The following UGT1A6 variants were observed in gnomAD, a reference collection of about 807,000 sequenced individuals.
UGT1A6 encodes the protein UDP-glucuronosyltransferase 1A6.
UGT1A6 carries 32 observed loss-of-function variants against 44.4 expected under a neutral mutation model. That is an observed-to-expected ratio of 0.72 (90% CI 0.54 to 0.97). The LOEUF is 0.97. UGT1A6 is among the 50% of genes least tolerant of loss of function. UGT1A6 has a pLI of 0.00. For missense variants in UGT1A6, 685 were observed against 661.9 expected (o/e 1.03, Z -0.38); for synonymous variants, 238 against 248.5 (o/e 0.96, Z 0.40).
chr2:233,770,944 A>T (rs905927558), intron 4 of UGT1A6: 3 of 152,138 alleles, frequency 2.0e-5, no homozygotes, highest in Non-Finnish European at 4.4e-5. Context: ...TGCCGGGGGA[A>T]CCTCAGGGAG....
At chr2:233,695,498 T>G (rs2075292500) in intron 1 of UGT1A6, among the ~76,000 whole-genome samples, 1 of 152,042 alleles carries the variant, frequency 6.6e-6, no homozygotes, top group Non-Finnish European at 1.5e-5. Flanking sequence ...CTATCAAAGT[T>G]TTTGGAGTAT....
chr2:233,755,338 G>A (rs569505432), intron 1 of UGT1A6: 1 of 431,822 alleles, frequency 2.3e-6, no homozygotes, highest in Non-Finnish European at 4.0e-6. Flanking sequence ...CCCGCGCACA[G>A]GTCAGAGGCT....
At chr2:233,755,301 G>A in intron 1 of UGT1A6, 2 of 599,966 alleles carry the variant, frequency 3.3e-6, no homozygotes, top group Non-Finnish European at 5.2e-6. Context: ...CGGGGCACTG[G>A]CACAGCGAGC....
At chr2:233,729,013 C>T (rs1190048509) in intron 1 of UGT1A6, 1 of 1,586,394 alleles carries the variant, frequency 6.3e-7, no homozygotes, top group Non-Finnish European at 8.6e-7. Context: ...CTCTGTCTTC[C>T]AATTACACGT....
intron 1 of UGT1A6, chr2:233,713,284 A>T: frequency 6.2e-7 from 1 of 1,614,270 alleles, no homozygotes; most frequent in Non-Finnish European, 8.5e-7. Context: ...GGTCACACTC[A>T]ATCGTTCTTT....
At chr2:233,748,984 C>T (rs1315447738) in intron 1 of UGT1A6, among the ~76,000 whole-genome samples, 18 of 151,726 alleles carry the variant, frequency 1.2e-4, no homozygotes, top group Non-Finnish European at 2.1e-4. Context: ...TACTTCTTTA[C>T]CAACAATTTC....
intron 2 of UGT1A6, 141 bp downstream of exon 2, chr2:233,767,306 T>A: frequency 6.6e-7 from 1 of 1,507,862 alleles, no homozygotes; most frequent in Non-Finnish European, 8.8e-7. Flanking sequence ...AATCCAAAGG[T>A]TTTTTTTGTT....
chr2:233,750,979 T>C (rs1345929720), intron 1 of UGT1A6, among the ~76,000 whole-genome samples: 3 of 151,782 alleles, frequency 2.0e-5, no homozygotes, highest in Admixed American at 6.5e-5. Context: ...AGTGGAGTTG[T>C]GAGAAGGCGG....
chr2:233,767,876 C>A lies in UGT1A6; in HGVS notation c.1021C>A (p.Pro341Thr), dbSNP rs773195449. ...TVLWRYTGTR[P>T]SNLANNTILV... ...CCTGTGGCGGTACACTGGAACCCGA[C>A]CATCGAATCTTGCGAACAACACGAT... The change falls in exon 3 of 5, where the codon CCA becomes ACA. Residue 341 changes from proline (P) to threonine (T), a missense_variant. Physicochemically the swap from Pro to Thr is conservative, Grantham distance 38 (BLOSUM62 -1). Transcript: ENST00000305139. 23 of 1,614,060 alleles carry A rather than the reference C, an allele frequency of 1.4e-5. No individual in the cohort carries two copies. The highest frequency in any genetic ancestry group is 1.8e-5 in the Non-Finnish European group (21 of 1,180,054).
chr2:233,726,805 G>A (rs2077562832), intron 1 of UGT1A6, among the ~76,000 whole-genome samples: 1 of 152,144 alleles, frequency 6.6e-6, no homozygotes, highest in African/African-American at 2.4e-5. Flanking sequence ...AAGGCTTGGA[G>A]GTTTTCCTCT....
At chr2:233,764,935 G>T (rs1212843122) in intron 1 of UGT1A6, among the ~76,000 whole-genome samples, 1 of 152,204 alleles carries the variant, frequency 6.6e-6, no homozygotes, top group Non-Finnish European at 1.5e-5. Context: ...GGGCTGGTGA[G>T]AGTGGCGGGG....
chr2:233,755,103 A>G, intron 1 of UGT1A6: 1 of 1,335,002 alleles, frequency 7.5e-7, no homozygotes, highest in Non-Finnish European at 1.0e-6. Flanking sequence ...CGCGTCCGAC[A>G]ACACCTCGTA....
chr2:233,749,297 T>C (rs761343175), intron 1 of UGT1A6, among the ~76,000 whole-genome samples: 35 of 151,972 alleles, frequency 2.3e-4, no homozygotes, highest in Non-Finnish European at 4.0e-4. Flanking sequence ...TATTCAATTA[T>C]AAAATATGTG....
chr2:233,733,620 A>G lies in UGT1A6; in HGVS notation c.862-33414A>G, dbSNP rs138642238. ...TGATGGATTACATTTATTGATTTGC[A>G]TATGTTGAACCAGCCTTGCATCCCA... On this transcript the variant is annotated intron_variant, in intron 1 of 4. Coordinates refer to ENST00000305139, the MANE Select transcript of UGT1A6 (RefSeq NM_001072.4). 5.8e-3 allele frequency among the ~76,000 whole-genome samples: 878 copies of G among 152,316 alleles called. 10 individuals are homozygous for G. Among genetic ancestry groups the G allele is most frequent in the African/African-American group, 0.02 (842 of 41,576 alleles).
chr2:233,754,988 A>G (rs756949361), intron 1 of UGT1A6: 25 of 1,295,926 alleles, frequency 1.9e-5, no homozygotes, highest in African/African-American at 1.2e-4. Flanking sequence ...CGGCGGGGTC[A>G]CGGAAGCTGA....
intron 1 of UGT1A6, chr2:233,713,863 G>A: frequency 6.2e-7 from 1 of 1,613,884 alleles, no homozygotes; most frequent in Non-Finnish European, 8.5e-7. Context: ...TCTCAGGTCT[G>A]TATTGGTGCC....
chr2:233,696,120 A>T (rs1261804081), intron 1 of UGT1A6, among the ~76,000 whole-genome samples: 1 of 152,186 alleles, frequency 6.6e-6, no homozygotes, highest in Non-Finnish European at 1.5e-5. Context: ...AAAGAACTAG[A>T]ACTGCCCCAA....
chr2:233,716,337 C>T (rs17868335), intron 1 of UGT1A6, among the ~76,000 whole-genome samples: 4 of 152,208 alleles, frequency 2.6e-5, no homozygotes, highest in African/African-American at 4.8e-5. Flanking sequence ...CCCAGGTTTG[C>T]GCAACTACAA....
intron 1 of UGT1A6, chr2:233,755,039 G>A (rs1047792650): frequency 3.8e-6 from 5 of 1,321,018 alleles, no homozygotes; most frequent in Non-Finnish European, 5.1e-6. Flanking sequence ...TGCCGCCTGC[G>A]CAGCCGCCCT....
Sources: allele counts gnomAD v4.1 joint callset (sites outside exome capture counted in the v4.1 genomes callset), GRCh38; gene constraint gnomAD v4.1.1; transcripts MANE v1.5; gene names NCBI Gene and HGNC (gene_info 2026-07-23, HGNC 2026-07-21).